KCNH1: variants seen among roughly 807,000 people sequenced by gnomAD.
The protein encoded by KCNH1 is potassium voltage-gated channel subfamily H member 1, also known as voltage-gated delayed rectifier potassium channel KCNH1.
In KCNH1, 27 loss-of-function variants were observed where a neutral mutation model predicts 69.2. That is an observed-to-expected ratio of 0.39 (90% CI 0.29 to 0.54). The LOEUF is 0.54. Ranked by LOEUF, KCNH1 falls within the 20% of genes least tolerant of loss-of-function variation. The probability of loss-of-function intolerance (pLI) is 0.68; values close to 1 mark genes in which losing one functional copy is unlikely to be tolerated. For missense variants in KCNH1, 798 were observed against 1,261.6 expected (o/e 0.63, Z 5.57); for synonymous variants, 456 against 487.7 (o/e 0.93, Z 0.86).
intron 9 of KCNH1, among the ~76,000 whole-genome samples, chr1:210,778,744 T>A (rs960913974): frequency 6.6e-6 from 1 of 152,206 alleles, no homozygotes; most frequent in Non-Finnish European, 1.5e-5. Flanking sequence ...TGCAGTCTCC[T>A]ATTGGGATGA....
At chr1:210,961,609 G>A (rs1267649107) in intron 6 of KCNH1, among the ~76,000 whole-genome samples, 2 of 152,124 alleles carry the variant, frequency 1.3e-5, no homozygotes, top group East Asian at 1.9e-4. Context: ...GGGAGGCCAA[G>A]GCGGGTGGAT....
chr1:210,783,823 G>A (rs1021694768), intron 9 of KCNH1, among the ~76,000 whole-genome samples: 2 of 152,178 alleles, frequency 1.3e-5, no homozygotes, highest in African/African-American at 4.8e-5. Context: ...TTTTGTTGGA[G>A]CAGCTGAACC....
chr1:210,811,098 T>C (rs183941142), intron 7 of KCNH1, among the ~76,000 whole-genome samples: 1 of 152,338 alleles, frequency 6.6e-6, no homozygotes, highest in East Asian at 1.9e-4. Context: ...GGTTTCAATA[T>C]TCAGTGTACA....
intron 10 of KCNH1, among the ~76,000 whole-genome samples, chr1:210,755,806 G>A (rs1488082284): frequency 1.3e-5 from 2 of 152,102 alleles, no homozygotes; most frequent in East Asian, 1.9e-4. Flanking sequence ...AAAAGAAAGC[G>A]GCTTCCACTC....
At position 211,020,888 on chromosome 1, in the gene KCNH1, T is replaced by A. The variant is rs146285402; in HGVS notation, c.559-1632A>T. On this transcript the variant is annotated intron_variant, in intron 5 of 10. Coordinates refer to ENST00000271751, the MANE Select transcript of KCNH1 (RefSeq NM_172362.3). ...CACATCAGCAGTAGGGAAAAAAAAA[T>A]GATTATCTCAATAGATGCAGAAAAA... Among the ~76,000 whole-genome samples, 905 of 151,606 alleles carry A rather than the reference T, an allele frequency of 6.0e-3. 3 individuals carry two copies. The highest frequency in any genetic ancestry group is 0.01 in the Non-Finnish European group (708 of 67,850).
intron 7 of KCNH1, among the ~76,000 whole-genome samples, chr1:210,857,456 G>A (rs1018728449): frequency 2.0e-4 from 31 of 152,040 alleles, no homozygotes; most frequent in African/African-American, 7.5e-4. Flanking sequence ...TTTCGCATGG[G>A]GGTGGGGGTG....
At chr1:210,797,894 T>C in intron 8 of KCNH1, 134 bp from the exon 9 acceptor site, 2 of 962,212 alleles carry the variant, frequency 2.1e-6, no homozygotes, top group Non-Finnish European at 3.0e-6. Flanking sequence ...CCTGCGCTTA[T>C]GGAGCTTATA....
chr1:210,987,426 G>A (rs1478018917), intron 6 of KCNH1, among the ~76,000 whole-genome samples: 1 of 152,104 alleles, frequency 6.6e-6, no homozygotes, highest in East Asian at 1.9e-4. Flanking sequence ...ATCTACCTTT[G>A]GTCTTTGATG....
intron 6 of KCNH1, among the ~76,000 whole-genome samples, chr1:210,996,167 A>C (rs934268638): frequency 6.6e-5 from 10 of 152,182 alleles, no homozygotes; most frequent in Non-Finnish European, 1.3e-4. Context: ...ATTGTGCACG[A>C]GCCGAAGCAG....
intron 9 of KCNH1, among the ~76,000 whole-genome samples, chr1:210,793,417 G>A (rs550351787): frequency 6.6e-6 from 1 of 152,202 alleles, no homozygotes; most frequent in East Asian, 1.9e-4. Context: ...GTGTATAACT[G>A]TGTGTGCACT....
intron 10 of KCNH1, among the ~76,000 whole-genome samples, chr1:210,758,535 C>A (rs1364019093): frequency 6.6e-6 from 1 of 152,140 alleles, no homozygotes; most frequent in Non-Finnish European, 1.5e-5. Context: ...GAGGTGGAAC[C>A]CCCTCCCCTG....
At chr1:210,959,868 G>A (rs1688260624) in intron 6 of KCNH1, among the ~76,000 whole-genome samples, 1 of 152,202 alleles carries the variant, frequency 6.6e-6, no homozygotes, top group Admixed American at 6.5e-5. Context: ...CTTCCCAGGT[G>A]AGGCAATGCC....
chr1:210,748,600 C>T (rs1683215873), intron 10 of KCNH1, among the ~76,000 whole-genome samples: 1 of 152,208 alleles, frequency 6.6e-6, no homozygotes, highest in Non-Finnish European at 1.5e-5. Flanking sequence ...AAATACATTG[C>T]TCCCCTAGGA....
intron 7 of KCNH1, among the ~76,000 whole-genome samples, chr1:210,914,495 G>A (rs933243637): frequency 4.6e-5 from 7 of 152,158 alleles, no homozygotes; most frequent in African/African-American, 1.7e-4. Flanking sequence ...CTGAAGTGAG[G>A]CCACAAAAGA....
chr1:210,729,983 G>T (rs1682704999), intron 10 of KCNH1, among the ~76,000 whole-genome samples: 1 of 152,108 alleles, frequency 6.6e-6, no homozygotes, highest in Non-Finnish European at 1.5e-5. Context: ...GATGAGGTCG[G>T]TCAAGAGAGT....
In KCNH1 at chr1:210,769,168, A is replaced by T. The variant is rs529748821; in HGVS notation, c.2112+6180T>A. 2.0e-5 allele frequency among the ~76,000 whole-genome samples: 3 copies of T among 152,164 alleles called. No homozygotes were observed. The East Asian group carries it at 5.8e-4, about 29-fold the overall frequency. ...CTTAGGCTATGATGACTCAGGGGGG[A>T]AGTGGATGACATTTTTAAGTACCTA... On this transcript the variant is annotated intron_variant, in intron 10 of 10. Coordinates refer to ENST00000271751, the MANE Select transcript of KCNH1 (RefSeq NM_172362.3).
At chr1:210,863,680 T>C (rs1255341302) in intron 7 of KCNH1, among the ~76,000 whole-genome samples, 1 of 152,120 alleles carries the variant, frequency 6.6e-6, no homozygotes, top group Non-Finnish European at 1.5e-5. Flanking sequence ...TCTTCACAGC[T>C]CTTATTAGGA....
intron 10 of KCNH1, among the ~76,000 whole-genome samples, chr1:210,730,000 A>G (rs1474325156): frequency 1.3e-5 from 2 of 152,034 alleles, no homozygotes; most frequent in African/African-American, 4.8e-5. Flanking sequence ...GAGTCCCCCA[A>G]CTTCTGGCTG....
At chr1:210,915,467 C>G (rs1426837663) in intron 7 of KCNH1, among the ~76,000 whole-genome samples, 1 of 152,074 alleles carries the variant, frequency 6.6e-6, no homozygotes, top group Non-Finnish European at 1.5e-5. Flanking sequence ...GGAGAGATTA[C>G]ATGGGAGAAA....
Sources: gnomAD v4.1 joint callset for allele counts (sites outside exome capture counted in the v4.1 genomes callset) on GRCh38, gnomAD v4.1.1 for gene constraint, MANE v1.5 for transcripts, NCBI Gene and HGNC (gene_info 2026-07-23, HGNC 2026-07-21) for gene names.